The following ADCK1 variants were observed in gnomAD, a reference collection of about 807,000 sequenced individuals.
The protein encoded by ADCK1 is aarF domain-containing protein kinase 1.
A neutral mutation model predicts 52.3 loss-of-function variants in ADCK1; 41 were observed. The observed-to-expected ratio is 0.78, with a 90% CI of 0.61 to 1.02. The LOEUF (loss-of-function observed/expected upper bound fraction) is 1.02. Ranked by LOEUF, ADCK1 falls within the 50% of genes least tolerant of loss-of-function variation. The probability of loss-of-function intolerance (pLI) is 0.00; values close to 1 mark genes in which losing one functional copy is unlikely to be tolerated. For missense variants in ADCK1, 658 were observed against 679.5 expected (o/e 0.97, Z 0.35); for synonymous variants, 250 against 274.6 (o/e 0.91, Z 0.89).
In ADCK1 at chr14:77,915,934, G is replaced by C. The variant is rs558212037; in HGVS notation, c.858+8015G>C. 1.1e-4 allele frequency among the ~76,000 whole-genome samples: 17 copies of C among 152,318 alleles called. No homozygotes were observed. The South Asian group carries it at 3.1e-3, about 28-fold the overall frequency. ...ACTGGATCGTTTGATGACTGAAACA[G>C]AACGCTTGGTACGGTGCCAGGCCCA... On this transcript the variant is annotated intron_variant, in intron 7 of 10. Transcript: ENST00000238561.
intron 2 of ADCK1, among the ~76,000 whole-genome samples, chr14:77,820,785 A>G (rs4903649): frequency 0.98 from 149,659 of 152,028 alleles, 73,682 homozygotes; most frequent in East Asian, 1. Context: ...TTGAGACAGA[A>G]TCTTGCTCTG....
chr14:77,843,644 A>C (rs2082119546), intron 3 of ADCK1, among the ~76,000 whole-genome samples: 1 of 152,036 alleles, frequency 6.6e-6, no homozygotes, highest in South Asian at 2.1e-4. Flanking sequence ...TAATCCCTTA[A>C]ATTTGCAGCC....
At chr14:77,852,679 A>AT (rs1439522383) in intron 3 of ADCK1, among the ~76,000 whole-genome samples, 17 of 71,918 alleles carry the variant, frequency 2.4e-4, no homozygotes, top group Middle Eastern at 8.5e-3. Flanking sequence ...ATATATATAT[A>AT]TATATATATA....
At chr14:77,833,656 G>A (rs1196184197) in intron 3 of ADCK1, among the ~76,000 whole-genome samples, 4 of 152,206 alleles carry the variant, frequency 2.6e-5, no homozygotes, top group Non-Finnish European at 5.9e-5. Flanking sequence ...GGAGGATTCT[G>A]TAGGAGTAGG....
At chr14:77,900,357 T>A (rs902893336) in intron 6 of ADCK1, among the ~76,000 whole-genome samples, 2 of 151,418 alleles carry the variant, frequency 1.3e-5, no homozygotes, top group Non-Finnish European at 2.9e-5. Context: ...GAGGCGGAGG[T>A]GGGCAGATCA....
intron 10 of ADCK1, among the ~76,000 whole-genome samples, chr14:77,932,335 C>T (rs1225909667): frequency 1.3e-5 from 2 of 152,208 alleles, no homozygotes; most frequent in African/African-American, 2.4e-5. Flanking sequence ...AGGCATGAGC[C>T]ACCATGTCCA....
rs1046284427 is a variant in ADCK1, at chr14:77,934,585, A to G, written c.*1194A>G. On this transcript the variant is annotated 3_prime_UTR_variant, in exon 11 of 11. Coordinates refer to ENST00000238561, the MANE Select transcript of ADCK1 (RefSeq NM_020421.4). ...TTCTACCCCATTGCTTGCTGCCAGC[A>G]CTGCCTCTCCCCCCAGCCTGGTTGT... 3.9e-5 allele frequency: 6 copies of G among 152,274 alleles called. No homozygotes were observed. Among genetic ancestry groups the G allele is most frequent in the African/African-American group, 1.4e-4 (6 of 41,400 alleles). 9.4% of individuals were successfully genotyped at this position (152,274 alleles called of 1,614,324 possible). A position where few individuals can be genotyped will look rare whatever the true frequency, so the allele number is the denominator to read the frequency against.
At chr14:77,924,350 T>A in intron 7 of ADCK1, 107 bp from the exon 8 acceptor site, 1 of 1,451,856 alleles carries the variant, frequency 6.9e-7, no homozygotes, top group South Asian at 1.3e-5. Context: ...GGCCCACCGA[T>A]TTTCTCTGGC....
At chr14:77,887,525 G>A (rs1290588973) in intron 5 of ADCK1, among the ~76,000 whole-genome samples, 1 of 152,190 alleles carries the variant, frequency 6.6e-6, no homozygotes, top group Non-Finnish European at 1.5e-5. Flanking sequence ...TAGGGGCCAA[G>A]GGGACCTCAG....
At chr14:77,892,328 G>A (rs1034547795) in intron 5 of ADCK1, among the ~76,000 whole-genome samples, 1 of 152,180 alleles carries the variant, frequency 6.6e-6, no homozygotes, top group African/African-American at 2.4e-5. Context: ...GCAAGGGGGT[G>A]GTGACTACTG....
chr14:77,824,191 C>G (rs2081642528), intron 3 of ADCK1, among the ~76,000 whole-genome samples: 1 of 152,202 alleles, frequency 6.6e-6, no homozygotes. Flanking sequence ...AGCCACCATG[C>G]CTGGCTTCAT....
chr14:77,874,550 C>G (rs996932059), intron 4 of ADCK1, among the ~76,000 whole-genome samples: 10 of 152,130 alleles, frequency 6.6e-5, no homozygotes, highest in Non-Finnish European at 8.8e-5. Context: ...GTCTCCCAGG[C>G]TGGGGTGGGG....
intron 4 of ADCK1, among the ~76,000 whole-genome samples, chr14:77,882,013 G>A (rs1401379624): frequency 2.0e-5 from 3 of 152,174 alleles, no homozygotes; most frequent in Non-Finnish European, 4.4e-5. Context: ...CCTGGGAAGT[G>A]GTACGGGGAG....
At chr14:77,905,889 C>T (rs143607087) in intron 6 of ADCK1, among the ~76,000 whole-genome samples, 1 of 152,272 alleles carries the variant, frequency 6.6e-6, no homozygotes, top group Non-Finnish European at 1.5e-5. Flanking sequence ...AAATGCCAAG[C>T]AAGTCTAAAT....
intron 6 of ADCK1, among the ~76,000 whole-genome samples, chr14:77,904,446 C>G (rs530146937): frequency 6.6e-6 from 1 of 152,372 alleles, no homozygotes; most frequent in South Asian, 2.1e-4. Flanking sequence ...CTGCATGTCT[C>G]CAGGCCTTCT....
chr14:77,889,476 C>T (rs7149911), intron 5 of ADCK1, among the ~76,000 whole-genome samples: 110,117 of 152,000 alleles, frequency 0.72, 40,092 homozygotes, highest in Admixed American at 0.76. Context: ...CAGGGTACAG[C>T]TGGGGAAAAT....
intron 3 of ADCK1, among the ~76,000 whole-genome samples, chr14:77,855,328 C>G (rs2082395493): frequency 6.6e-6 from 1 of 152,234 alleles, no homozygotes. Context: ...CGTAGCAGCC[C>G]TATGAGGTGT....
chr14:77,877,707 C>T (rs573027444), intron 4 of ADCK1, among the ~76,000 whole-genome samples: 19 of 152,278 alleles, frequency 1.2e-4, no homozygotes, highest in Middle Eastern at 6.8e-3. Context: ...TGGGTTCAAA[C>T]GATTCTCCTG....
At position 77,824,586 on chromosome 14, in the gene ADCK1, A is replaced by G. The variant is rs867523401; in HGVS notation, c.219+2068A>G. Among the ~76,000 whole-genome samples, 18 of 151,514 alleles carry G rather than the reference A, an allele frequency of 1.2e-4. 1 individual carries two copies. Among genetic ancestry groups the G allele is most frequent in the African/African-American group, 2.4e-4 (10 of 41,312 alleles). On this transcript the variant is annotated intron_variant, in intron 3 of 10. Coordinates refer to ENST00000238561, the MANE Select transcript of ADCK1 (RefSeq NM_020421.4). ...GTAGATGGGATTACAGGCACGCACC[A>G]CCACGCCTGGCTAATTTTTGTATTT...
Sources: gnomAD v4.1 joint callset for allele counts (sites outside exome capture counted in the v4.1 genomes callset) on GRCh38, gnomAD v4.1.1 for gene constraint, MANE v1.5 for transcripts, NCBI Gene and HGNC (gene_info 2026-07-23, HGNC 2026-07-21) for gene names.